MARCHF1: variants seen among roughly 807,000 people sequenced by gnomAD.
MARCHF1 encodes the protein membrane associated ring-CH-type finger 1.
Under a neutral mutation model 54.2 loss-of-function variants are expected in MARCHF1, and 40 were observed. The observed-to-expected ratio is 0.74, with a 90% CI of 0.57 to 0.96. The LOEUF is 0.96. Among genes scored for constraint, MARCHF1 ranks in the 40% least tolerant of loss-of-function variants. The pLI, the probability that MARCHF1 is intolerant of heterozygous loss-of-function variation, is 0.00. For synonymous variants in MARCHF1, 236 were observed against 236.3 expected, an observed-to-expected ratio of 1.00 and a Z score of 0.01; for missense variants, 586 against 656.5, an observed-to-expected ratio of 0.89 and a Z score of 1.17.
intron 4 of MARCHF1, among the ~76,000 whole-genome samples, chr4:163,833,171 C>T (rs1749079819): frequency 6.6e-6 from 1 of 152,182 alleles, no homozygotes; most frequent in Admixed American, 6.5e-5. Context: ...GCCACGCTGA[C>T]TTCCACAATG....
intron 1 of MARCHF1, among the ~76,000 whole-genome samples, chr4:164,141,480 T>A (rs17044543): frequency 5.3e-5 from 8 of 152,070 alleles, no homozygotes; most frequent in African/African-American, 9.7e-5. Flanking sequence ...GTCTGTGCCA[T>A]ACCAAATCAG....
chr4:164,237,359 C>T (rs1266307149), intron 1 of MARCHF1, among the ~76,000 whole-genome samples: 1 of 152,002 alleles, frequency 6.6e-6, no homozygotes, highest in Non-Finnish European at 1.5e-5. Context: ...TATTTTTGCC[C>T]ATTCTGTGTA....
rs1418123731 is a variant in MARCHF1 at position 163,854,097 on chromosome 4, G to A, written c.35C>T (p.Pro12Leu). ...TCGCGTGTTGTTTGGAATTCTGTGA[G>A]GGTTACGGGCTATCGCTTCACACCA... ...LGWCEAIARN[P>L]HRIPNNTRTP... is the part of the protein sequence containing the mutation. The change falls in exon 4 of 10, where the codon CCT becomes CTT. Residue 12 changes from proline (P) to leucine (L), a missense_variant. Transcript: ENST00000514618. The A allele has an allele frequency of 1.3e-6, 2 of 1,536,638 alleles. No individual in the cohort carries two copies. The highest frequency in any genetic ancestry group is 3.9e-5 in the Admixed American group (2 of 50,962).
chr4:163,625,451 T>TA (rs61154445), intron 5 of MARCHF1, among the ~76,000 whole-genome samples: 2 of 152,238 alleles, frequency 1.3e-5, no homozygotes, highest in African/African-American at 2.4e-5. Context: ...AGGTAGCTAA[T>TA]AAAGAGTTGT....
chr4:163,955,278 T>C (rs1214850494), intron 3 of MARCHF1, among the ~76,000 whole-genome samples: 1 of 141,492 alleles, frequency 7.1e-6, no homozygotes, highest in Non-Finnish European at 1.5e-5. Flanking sequence ...CCGGAGTAAC[T>C]CTCCAGAATG....
chr4:163,583,392 G>T (rs984191858), intron 8 of MARCHF1, among the ~76,000 whole-genome samples: 2 of 152,130 alleles, frequency 1.3e-5, no homozygotes, highest in African/African-American at 4.8e-5. Flanking sequence ...GGGTGCTGGG[G>T]AAGCAACCTC....
At chr4:164,119,040 C>A (rs1459778900) in intron 1 of MARCHF1, among the ~76,000 whole-genome samples, 1 of 149,696 alleles carries the variant, frequency 6.7e-6, no homozygotes, top group Non-Finnish European at 1.5e-5. Context: ...CAACATAATA[C>A]ATTAAGGGTT....
intron 2 of MARCHF1, among the ~76,000 whole-genome samples, chr4:164,037,631 A>T (rs757746683): frequency 2.0e-5 from 3 of 152,218 alleles, no homozygotes; most frequent in Non-Finnish European, 2.9e-5. Flanking sequence ...GGAGCATTAT[A>T]CACCACTCTT....
intron 1 of MARCHF1, among the ~76,000 whole-genome samples, chr4:164,134,904 G>C (rs1198556469): frequency 2.0e-5 from 3 of 151,376 alleles, no homozygotes; most frequent in African/African-American, 7.3e-5. Context: ...CTCTAAACAA[G>C]TAAAGTGTGG....
intron 1 of MARCHF1, among the ~76,000 whole-genome samples, chr4:164,295,238 G>A (rs994615449): frequency 4.6e-5 from 7 of 152,176 alleles, no homozygotes; most frequent in African/African-American, 1.7e-4. Flanking sequence ...ATGACTCCCT[G>A]TAGAATAATG....
At chr4:163,699,321 T>C (rs1480403753) in intron 5 of MARCHF1, among the ~76,000 whole-genome samples, 1 of 152,214 alleles carries the variant, frequency 6.6e-6, no homozygotes, top group Non-Finnish European at 1.5e-5. Flanking sequence ...AGAGATATGG[T>C]CTCCCTATGG....
At chr4:164,331,513 T>C (rs1031203882) in intron 1 of MARCHF1, among the ~76,000 whole-genome samples, 2 of 152,248 alleles carry the variant, frequency 1.3e-5, no homozygotes, top group Non-Finnish European at 2.9e-5. Context: ...TATGCATATA[T>C]GCATGTACAT....
At chr4:164,103,945 C>T (rs1208015566) in intron 2 of MARCHF1, among the ~76,000 whole-genome samples, 4 of 150,476 alleles carry the variant, frequency 2.7e-5, no homozygotes, top group Non-Finnish European at 5.9e-5. Context: ...CACCACCAAT[C>T]CCACAGAAAT....
intron 1 of MARCHF1, chr4:164,188,787 C>A (rs1399921460): frequency 9.0e-6 from 8 of 890,804 alleles, no homozygotes; most frequent in Non-Finnish European, 1.5e-5. Flanking sequence ...GGTGGGCAAA[C>A]AAAGACATTT....
At chr4:164,139,269 T>C (rs1470972898) in intron 1 of MARCHF1, among the ~76,000 whole-genome samples, 2 of 152,020 alleles carry the variant, frequency 1.3e-5, no homozygotes, top group Non-Finnish European at 2.9e-5. Context: ...AGGACACCAG[T>C]AAAGTGGCTT....
intron 4 of MARCHF1, among the ~76,000 whole-genome samples, chr4:163,742,671 T>C (rs1051355461): frequency 1.3e-5 from 2 of 151,606 alleles, no homozygotes; most frequent in Non-Finnish European, 2.9e-5. Flanking sequence ...AGAGACAGGG[T>C]CTCATTATGT....
At position 163,664,608 on chromosome 4, in the gene MARCHF1, T is replaced by G. The variant is rs1743466396; in HGVS notation, c.162+36205A>C. Reference sequence around the variant, plus strand: ...AGGGGATTTGAATCTAAAAATCATGTTTTAAGTTCCTAACATGCTAGAATA... The same window carrying G: ...AGGGGATTTGAATCTAAAAATCATGGTTTAAGTTCCTAACATGCTAGAATA... On this transcript the variant is annotated intron_variant, in intron 5 of 9. Coordinates refer to ENST00000514618, the MANE Select transcript of MARCHF1 (RefSeq NM_001394959.1). Among the ~76,000 whole-genome samples, 3 of 152,028 alleles carry G rather than the reference T, an allele frequency of 2.0e-5. No individual in the cohort carries two copies. The South Asian group carries it at 6.2e-4, about 31-fold the overall frequency.
intron 1 of MARCHF1, among the ~76,000 whole-genome samples, chr4:164,186,797 A>G (rs1316010076): frequency 1.3e-5 from 2 of 152,206 alleles, no homozygotes; most frequent in Non-Finnish European, 2.9e-5. Context: ...TCTTTGTAAT[A>G]TAATGGTTAT....
chr4:163,764,129 T>C (rs1187019860), intron 4 of MARCHF1, among the ~76,000 whole-genome samples: 2 of 152,068 alleles, frequency 1.3e-5, no homozygotes, highest in African/African-American at 4.8e-5. Context: ...GAATGATATA[T>C]TCCTTGAGGG....
Sources: gnomAD v4.1 joint callset for allele counts (sites outside exome capture counted in the v4.1 genomes callset) on GRCh38, gnomAD v4.1.1 for gene constraint, MANE v1.5 for transcripts, NCBI Gene and HGNC (gene_info 2026-07-23, HGNC 2026-07-21) for gene names.